The following MTUS2 variants were observed in gnomAD, a reference collection of about 807,000 sequenced individuals.
MTUS2 encodes the protein microtubule associated scaffold protein 2, also known as microtubule-associated tumor suppressor candidate 2.
In MTUS2, 40 loss-of-function variants were observed where a neutral mutation model predicts 114.1. That is an observed-to-expected ratio of 0.35 (90% confidence interval 0.27 to 0.46). MTUS2 has a LOEUF of 0.46. MTUS2 is among the 20% of genes least tolerant of loss of function. MTUS2 has a pLI of 1.00. For synonymous variants in MTUS2, 688 were observed against 672.0 expected (o/e 1.02, Z -0.37); for missense variants, 1,679 against 1,705.4 (o/e 0.98, Z 0.27).
intron 4 of MTUS2, among the ~76,000 whole-genome samples, chr13:29,100,143 C>G (rs1890346905): frequency 2.0e-5 from 3 of 152,116 alleles, no homozygotes; most frequent in Non-Finnish European, 1.5e-5. Flanking sequence ...TCCCAGTCTT[C>G]ACATGAAAGG....
intron 4 of MTUS2, among the ~76,000 whole-genome samples, chr13:29,059,228 ATTTTTTTTT>A (rs35369352): frequency 1.0e-5 from 1 of 97,128 alleles, no homozygotes; most frequent in East Asian, 3.6e-4. Context: ...TATTCTTTGG[ATTTTTTTTT>A]TTTTTTTTTT....
intron 5 of MTUS2, among the ~76,000 whole-genome samples, chr13:29,104,677 C>T (rs2138838097): frequency 6.6e-6 from 1 of 152,328 alleles, no homozygotes; most frequent in Non-Finnish European, 1.5e-5. Context: ...CCCTAGGCAG[C>T]TCCCTTCATT....
Position 29,323,626 on chromosome 13 carries a change from GA to G in MTUS2, c.2807-984del, listed in dbSNP as rs59434901. On this transcript the variant is annotated intron_variant, in intron 6 of 15. Transcript: ENST00000612955. Reference sequence around the variant, plus strand: ...CTCCAAAAATGTGGGTAGGTAAAAAGAAATTGCAATGTTTATTTCATATATT... The same window carrying G: ...CTCCAAAAATGTGGGTAGGTAAAAAGAATTGCAATGTTTATTTCATATATT... Among the ~76,000 whole-genome samples, 63 of 152,208 alleles carry G rather than the reference GA, an allele frequency of 4.1e-4. No homozygotes were observed. The East Asian group carries it at 0.012, about 28-fold the overall frequency.
intron 6 of MTUS2, among the ~76,000 whole-genome samples, chr13:29,303,235 A>G (rs193123707): frequency 8.5e-4 from 130 of 152,374 alleles, no homozygotes; most frequent in Middle Eastern, 3.4e-3. Context: ...TCAAAAAGCC[A>G]GAGTGCCTCT....
intron 5 of MTUS2, among the ~76,000 whole-genome samples, chr13:29,235,175 C>T (rs1334067350): frequency 6.6e-6 from 1 of 152,098 alleles, no homozygotes; most frequent in Non-Finnish European, 1.5e-5. Context: ...CAGCTCACCG[C>T]AACCTCCGCC....
chr13:29,053,781 G>T (rs774528998), intron 4 of MTUS2, among the ~76,000 whole-genome samples: 1 of 152,074 alleles, frequency 6.6e-6, no homozygotes, highest in African/African-American at 2.4e-5. Flanking sequence ...TTGTATGGAT[G>T]TACATACCAC....
rs144310460 is a variant in MTUS2 at position 29,046,590 on chromosome 13, A to G, written c.2446+12465A>G. ...CAAGTGTTGATTCTTAGTTGCCTTC[A>G]CTAGAAACCCTTCCCCTGCATTTTC... On this transcript the variant is annotated intron_variant, in intron 4 of 15. Transcript: ENST00000612955. Among the ~76,000 whole-genome samples the G allele has an allele frequency of 1.4e-4, 21 of 152,328 alleles. No homozygotes were observed. In the East Asian group the frequency reaches 3.3e-3, roughly 24 times the overall value.
intron 8 of MTUS2, among the ~76,000 whole-genome samples, chr13:29,366,790 T>C (rs1303877053): frequency 1.3e-5 from 2 of 152,134 alleles, no homozygotes; most frequent in African/African-American, 2.4e-5. Context: ...CCTCCAGTAG[T>C]TGCCTGTCAA....
At chr13:29,495,218 T>G (rs1475225844) in intron 12 of MTUS2, among the ~76,000 whole-genome samples, 1 of 114,756 alleles carries the variant, frequency 8.7e-6, no homozygotes, top group Non-Finnish European at 1.8e-5. Flanking sequence ...TTAAGTCAGA[T>G]GTGGTGGTGG....
At position 29,013,759 on chromosome 13, in the gene MTUS2, T is replaced by G. The variant is rs536183258; in HGVS notation, c.-242-10698T>G. 5.8e-5 allele frequency among the ~76,000 whole-genome samples: 8 copies of G among 138,894 alleles called. No homozygotes were observed. In the South Asian group the frequency reaches 8.8e-4, roughly 15 times the overall value. The allele number at this position is 138,894 out of a possible 152,430, so 91.1% of individuals were successfully genotyped here. On this transcript the variant is annotated intron_variant, in intron 2 of 15. Coordinates refer to ENST00000612955, the MANE Select transcript of MTUS2 (RefSeq NM_001033602.4). ...GTGGCCGCAGGCCAGCCTGATACTT[T>G]GTTAAACTATCCACACACACACACA...
At position 29,498,397 on chromosome 13, in the gene MTUS2, CA is replaced by C. The variant is rs756787507; in HGVS notation, c.3679-20del. 1.0e-4 allele frequency: 168 copies of C among 1,613,576 alleles called. No homozygotes were observed. The highest frequency in any genetic ancestry group is 1.4e-4 in the Non-Finnish European group (160 of 1,179,788). ...TTGCCGGGAATCCTGGTCAACAGCT[CA>C]TGGCTCTCTGCCTCTGTAGATTGCA... is the stretch of plus-strand genomic sequence containing the variant. On this transcript the variant is annotated intron_variant, in intron 13 of 15. Transcript: ENST00000612955.
chr13:29,476,543 A>T (rs1880718213), intron 9 of MTUS2: 1 of 135,910 alleles, frequency 7.4e-6, no homozygotes, highest in African/African-American at 2.8e-5. Context: ...ATTGAGATAT[A>T]ATTCACATAC....
chr13:29,471,601 T>A (rs1321454666), intron 9 of MTUS2, among the ~76,000 whole-genome samples: 1 of 151,932 alleles, frequency 6.6e-6, no homozygotes, highest in Non-Finnish European at 1.5e-5. Flanking sequence ...TTTACAACAG[T>A]GGTTGTTTTT....
chr13:28,850,831 A>G (rs568223342), intron 2 of MTUS2, among the ~76,000 whole-genome samples: 8 of 152,294 alleles, frequency 5.3e-5, no homozygotes, highest in East Asian at 1.9e-4. Flanking sequence ...TCTTATTACA[A>G]TCACTTGTTT....
chr13:29,158,358 C>CCCCCCTCT, intron 5 of MTUS2, among the ~76,000 whole-genome samples: 3 of 32,046 alleles, frequency 9.4e-5, no homozygotes, highest in African/African-American at 2.1e-4. Context: ...GTCCACCCCG[C>CCCCCCTCT]TTTTTTTTTT....
chr13:29,342,812 T>C (rs1471469351), intron 7 of MTUS2, among the ~76,000 whole-genome samples: 2 of 152,190 alleles, frequency 1.3e-5, no homozygotes, highest in Non-Finnish European at 2.9e-5. Context: ...AGATGGCTTT[T>C]ATTACCTTAA....
rs147235775 is a variant in MTUS2 at position 28,865,103 on chromosome 13, G to A, written c.-243+25253G>A. Among the ~76,000 whole-genome samples the A allele has an allele frequency of 1.9e-4, 29 of 152,308 alleles. No individual in the cohort carries two copies. The East Asian group carries it at 5.6e-3, about 29-fold the overall frequency. On this transcript the variant is annotated intron_variant, in intron 2 of 15. Transcript: ENST00000612955. ...TCTATGTGTGTGTCTGTATGTATGT[G>A]TATATGGGGGTGTGTATACACACAC... is the stretch of plus-strand genomic sequence containing the variant.
At chr13:28,890,493 A>C (rs569177765) in intron 2 of MTUS2, among the ~76,000 whole-genome samples, 50 of 152,296 alleles carry the variant, frequency 3.3e-4, no homozygotes, top group Non-Finnish European at 7.1e-4. Context: ...TGCAAAATGG[A>C]GACAATAATA....
intron 2 of MTUS2, among the ~76,000 whole-genome samples, chr13:28,991,996 T>C (rs1884880586): frequency 1.3e-5 from 2 of 152,174 alleles, no homozygotes. Flanking sequence ...CTCAGCTGGC[T>C]TTGAGAGCAG....
Sources: gnomAD v4.1 joint callset for allele counts (sites outside exome capture counted in the v4.1 genomes callset) on GRCh38, gnomAD v4.1.1 for gene constraint, MANE v1.5 for transcripts, NCBI Gene and HGNC (gene_info 2026-07-23, HGNC 2026-07-21) for gene names.